GALNT7: variants seen among roughly 807,000 people sequenced by gnomAD.
The protein encoded by GALNT7 is polypeptide N-acetylgalactosaminyltransferase 7.
GALNT7 carries 60 observed loss-of-function variants against 82.1 expected under a neutral mutation model. That is an observed-to-expected ratio of 0.73 (90% CI 0.59 to 0.91). The LOEUF (loss-of-function observed/expected upper bound fraction) is 0.91, where lower values mean the gene tolerates loss of function less well. Ranked by LOEUF, GALNT7 falls within the 40% of genes least tolerant of loss-of-function variation. The probability of loss-of-function intolerance (pLI) is 0.00; values close to 1 mark genes in which losing one functional copy is unlikely to be tolerated. For missense variants in GALNT7, 660 were observed against 804.2 expected, an observed-to-expected ratio of 0.82 and a Z score of 2.17; for synonymous variants, 243 against 275.1, an observed-to-expected ratio of 0.88 and a Z score of 1.15.
At chr4:173,240,697 C>A (rs1386989724) in intron 1 of GALNT7, among the ~76,000 whole-genome samples, 20 of 152,136 alleles carry the variant, frequency 1.3e-4, no homozygotes, top group Non-Finnish European at 7.3e-5. Context: ...ACCATCAGTG[C>A]ATAATTATTG....
At chr4:173,271,685 A>T (rs1266046972) in intron 2 of GALNT7, among the ~76,000 whole-genome samples, 1 of 151,988 alleles carries the variant, frequency 6.6e-6, no homozygotes, top group Non-Finnish European at 1.5e-5. Context: ...TCGAACTCCT[A>T]ACCTCAGGTG....
intron 1 of GALNT7, among the ~76,000 whole-genome samples, chr4:173,183,409 T>C (rs1323805720): frequency 6.6e-6 from 1 of 151,994 alleles, no homozygotes; most frequent in Non-Finnish European, 1.5e-5. Context: ...AGATTAGGGA[T>C]TGGGTTTTCT....
chr4:173,317,449 C>A lies in GALNT7; in HGVS notation c.1609-185C>A, dbSNP rs41279501. The A allele has an allele frequency of 7.9e-3, 4,205 of 531,068 alleles. 30 individuals are homozygous for A. The highest frequency in any genetic ancestry group is 0.012 in the Non-Finnish European group (3,589 of 296,950). The allele number at this position is 531,068 out of a possible 1,614,324, so 32.9% of individuals were successfully genotyped here. A position where few individuals can be genotyped will look rare whatever the true frequency, so the allele number is the denominator to read the frequency against. Reference sequence around the variant, plus strand: ...GAGAAAGAACCCATTCCAGTGTTGACTTCAAGACCATAAGTTATTTCAAAA... The same window carrying A: ...GAGAAAGAACCCATTCCAGTGTTGAATTCAAGACCATAAGTTATTTCAAAA... On this transcript the variant is annotated intron_variant, in intron 9 of 11. Coordinates refer to ENST00000265000, the MANE Select transcript of GALNT7 (RefSeq NM_017423.3).
At chr4:173,307,802 C>T (rs1737214324) in intron 8 of GALNT7, among the ~76,000 whole-genome samples, 1 of 152,222 alleles carries the variant, frequency 6.6e-6, no homozygotes, top group African/African-American at 2.4e-5. Context: ...ACAACTGTGG[C>T]TTCAGGATCA....
chr4:173,235,607 G>C (rs1415293506), intron 1 of GALNT7, among the ~76,000 whole-genome samples: 1 of 147,544 alleles, frequency 6.8e-6, no homozygotes, highest in African/African-American at 2.5e-5. Context: ...CCAGGCTGGA[G>C]TGCAGTGGCA....
chr4:173,268,108 T>C (rs1735570886), intron 2 of GALNT7: 2 of 154,886 alleles, frequency 1.3e-5, no homozygotes, highest in African/African-American at 4.8e-5. Flanking sequence ...TGCTTGTAAG[T>C]GCTGGGTGAT....
At chr4:173,183,042 AAACAC>A (rs1306002376) in intron 1 of GALNT7, among the ~76,000 whole-genome samples, 4 of 77,452 alleles carry the variant, frequency 5.2e-5, no homozygotes, top group Non-Finnish European at 9.6e-5. Flanking sequence ...CCACACACAT[AAACAC>A]ACACACACAC....
intron 2 of GALNT7, among the ~76,000 whole-genome samples, chr4:173,287,225 C>T (rs1373839927): frequency 1.3e-5 from 2 of 152,230 alleles, no homozygotes; most frequent in Non-Finnish European, 2.9e-5. Flanking sequence ...GCAAGTTCTC[C>T]AATATACACA....
rs959844675 is a variant in GALNT7 at position 173,261,588 on chromosome 4, G to A, written c.587+13148G>A. Among the ~76,000 whole-genome samples, 36 of 152,072 alleles carry A rather than the reference G, an allele frequency of 2.4e-4. 1 individual carries two copies. The highest frequency in any genetic ancestry group is 8.2e-4 in the African/African-American group (34 of 41,420). On this transcript the variant is annotated intron_variant, in intron 2 of 11. Coordinates refer to ENST00000265000, the MANE Select transcript of GALNT7 (RefSeq NM_017423.3). ...TCCCAGCACTTTGGGAGGCCAAGGC[G>A]GGTGGATCACCTGAGGCCAGGAGTT...
intron 1 of GALNT7, among the ~76,000 whole-genome samples, chr4:173,209,097 C>T (rs1733190885): frequency 6.6e-6 from 1 of 152,136 alleles, no homozygotes; most frequent in African/African-American, 2.4e-5. Flanking sequence ...TATTTGTGCC[C>T]GTTGCTGAGC....
At position 173,304,032 on chromosome 4, in the gene GALNT7, T is replaced by C. The variant is rs766814544; in HGVS notation, c.1303T>C (p.Cys435Arg). ...QCGGKLLFVP[C>R]SRVGHIYRLE... ...TGGTGGCAAATTATTATTTGTTCCT[T>C]GTTCTCGTGTTGGACATATCTACCG... is the stretch of plus-strand genomic sequence containing the variant. The change falls in exon 8 of 12, where the codon TGT (cysteine) becomes CGT (arginine). Residue 435 changes from cysteine (C) to arginine (R), a missense_variant. By Grantham distance (180) the Cys-to-Arg change is radical. This residue lies in a region of GALNT7 where 527 missense variants were observed against 683.5 expected (regional missense o/e 0.77). Coordinates refer to ENST00000265000, the MANE Select transcript of GALNT7 (RefSeq NM_017423.3). 23 of 1,612,260 alleles carry C rather than the reference T, an allele frequency of 1.4e-5. No homozygotes were observed. Among genetic ancestry groups the C allele is most frequent in the African/African-American group, 2.7e-5 (2 of 74,888 alleles).
intron 1 of GALNT7, among the ~76,000 whole-genome samples, chr4:173,232,575 G>C (rs1373980069): frequency 6.6e-6 from 1 of 151,838 alleles, no homozygotes; most frequent in Non-Finnish European, 1.5e-5. Flanking sequence ...TGGGACTACA[G>C]ACACACACCA....
chr4:173,301,656 G>T (rs1296375652), intron 6 of GALNT7, among the ~76,000 whole-genome samples: 1 of 152,182 alleles, frequency 6.6e-6, no homozygotes, highest in Non-Finnish European at 1.5e-5. Flanking sequence ...ACCCAAGAAT[G>T]ACTCATAAAT....
At position 173,186,093 on chromosome 4, in the gene GALNT7, A is replaced by T. The variant is rs572625801; in HGVS notation, c.126+17132A>T. ...GCTATATAGTACAAGGTCATGGCTT[A>T]AGCCAATCATTTGTCATGGGGTTGG... On this transcript the variant is annotated intron_variant, in intron 1 of 11. Coordinates refer to ENST00000265000, the MANE Select transcript of GALNT7 (RefSeq NM_017423.3). 2.0e-5 allele frequency among the ~76,000 whole-genome samples: 3 copies of T among 152,350 alleles called. No homozygotes were observed. The South Asian group carries it at 6.2e-4, about 32-fold the overall frequency.
intron 8 of GALNT7, among the ~76,000 whole-genome samples, chr4:173,305,892 C>T (rs1410403875): frequency 1.3e-5 from 2 of 151,906 alleles, no homozygotes; most frequent in Admixed American, 6.6e-5. Context: ...TTTTGTGGAT[C>T]CATATGAATT....
intron 8 of GALNT7, 44 bp from the exon 9 acceptor site, chr4:173,313,914 T>G (rs1737485341): frequency 2.2e-6 from 2 of 911,066 alleles, no homozygotes; most frequent in Admixed American, 5.6e-5. Flanking sequence ...ATATGACATT[T>G]GTATTTTTAT....
intron 2 of GALNT7, among the ~76,000 whole-genome samples, chr4:173,258,931 A>C (rs1735147472): frequency 6.6e-6 from 1 of 152,242 alleles, no homozygotes; most frequent in Non-Finnish European, 1.5e-5. Flanking sequence ...AGGGTTTCAC[A>C]ATCTCGGCAC....
chr4:173,269,040 C>T (rs937428629), intron 2 of GALNT7, among the ~76,000 whole-genome samples: 6 of 152,096 alleles, frequency 3.9e-5, no homozygotes, highest in African/African-American at 7.2e-5. Flanking sequence ...TGCCCAGTAC[C>T]CCATTATAAT....
intron 1 of GALNT7, among the ~76,000 whole-genome samples, chr4:173,172,882 G>T (rs770506518): frequency 3.9e-5 from 6 of 152,132 alleles, no homozygotes; most frequent in Non-Finnish European, 8.8e-5. Context: ...TCTTAAGTGC[G>T]GTGAGAAGCC....
Sources: gnomAD v4.1 joint callset for allele counts (sites outside exome capture counted in the v4.1 genomes callset) on GRCh38, gnomAD v4.1.1 for gene constraint, gnomAD v4.1.1 regional missense constraint, MANE v1.5 for transcripts, NCBI Gene and HGNC (gene_info 2026-07-23, HGNC 2026-07-21) for gene names.